Variants in EPCAM observed in about 807,000 individuals in gnomAD.
EPCAM encodes epithelial cell adhesion molecule, also known as adenocarcinoma-associated antigen.
A neutral mutation model predicts 40.0 loss-of-function variants in EPCAM; 39 were observed. The ratio of observed to expected loss-of-function variants is 0.98; its 90% confidence interval spans 0.76 to 1.27. The LOEUF is 1.27. Among genes scored for constraint, EPCAM ranks in the 50% most tolerant of loss-of-function variants. The probability of loss-of-function intolerance (pLI) is 0.00; values close to 1 mark genes in which losing one functional copy is unlikely to be tolerated. For synonymous variants in EPCAM, 168 were observed against 132.3 expected, an observed-to-expected ratio of 1.27 and a Z score of -1.85; for missense variants, 503 against 381.2, an observed-to-expected ratio of 1.32 and a Z score of -2.66.
At chr2:47,386,294 A>G (rs1368987095) in intron 8 of EPCAM, among the ~76,000 whole-genome samples, 1 of 152,216 alleles carries the variant, frequency 6.6e-6, no homozygotes, top group Non-Finnish European at 1.5e-5. Flanking sequence ...TAAAAATAGT[A>G]TGCATTTAAT....
In EPCAM at chr2:47,369,791, C is replaced by A. The variant is rs917763244; in HGVS notation, c.76+210C>A. The A allele has an allele frequency of 7.2e-6, 5 of 692,950 alleles. No individual in the cohort carries two copies. The African/African-American group carries it at 8.8e-5, about 12-fold the overall frequency. 42.9% of individuals were successfully genotyped at this position (692,950 alleles called of 1,614,324 possible). On this transcript the variant is annotated intron_variant, in intron 1 of 8. Coordinates refer to ENST00000263735, the MANE Select transcript of EPCAM (RefSeq NM_002354.3). ...GCCGTCCCGGGGAGCAGCCTCACTT[C>A]GCAGCTTTGCTCGCCTTGGTAGGGA...
intron 1 of EPCAM, among the ~76,000 whole-genome samples, chr2:47,373,164 C>T (rs1335499171): frequency 7.1e-6 from 1 of 141,564 alleles, no homozygotes; most frequent in East Asian, 2.2e-4. Flanking sequence ...AAGATTGTGC[C>T]ACTGCATTCC....
chr2:47,372,415 G>C (rs10173799), intron 1 of EPCAM, among the ~76,000 whole-genome samples: 1 of 151,350 alleles, frequency 6.6e-6, no homozygotes, highest in Admixed American at 6.6e-5. Flanking sequence ...AGGTGGGTGG[G>C]TTACCTGAGG....
At chr2:47,384,907 G>A (rs535935429) in intron 7 of EPCAM, among the ~76,000 whole-genome samples, 2 of 151,904 alleles carry the variant, frequency 1.3e-5, no homozygotes, top group African/African-American at 4.8e-5. Flanking sequence ...GGGTTTCACC[G>A]TGTTGGCTGG....
chr2:47,379,688 C>T (rs776452722), intron 6 of EPCAM, 81 bp from the exon 7 acceptor site: 56 of 1,489,402 alleles, frequency 3.8e-5, no homozygotes, highest in Non-Finnish European at 5.0e-5. Context: ...GTTCTTTTGG[C>T]ATACAATTTG....
At chr2:47,376,254 CTTTT>C (rs57201109) in intron 4 of EPCAM, among the ~76,000 whole-genome samples, 1 of 128,336 alleles carries the variant, frequency 7.8e-6, no homozygotes, top group Non-Finnish European at 1.6e-5. Flanking sequence ...ATATTTCCTC[CTTTT>C]TTTTTTTTTT....
At chr2:47,373,344 C>T (rs1289919880) in intron 1 of EPCAM, 119 bp from the exon 2 acceptor site, 2 of 714,328 alleles carry the variant, frequency 2.8e-6, no homozygotes, top group East Asian at 5.4e-5. Flanking sequence ...CATTCAGAAC[C>T]ACTTTTTAAG....
At chr2:47,379,569 C>T (rs1162413555) in intron 6 of EPCAM, among the ~76,000 whole-genome samples, 200 bp from the exon 7 acceptor site, 2 of 152,148 alleles carry the variant, frequency 1.3e-5, no homozygotes, top group East Asian at 1.9e-4. Flanking sequence ...CATCATTGCA[C>T]TACTCTTTCT....
chr2:47,372,965 G>A (rs1209969783), intron 1 of EPCAM, among the ~76,000 whole-genome samples: 1 of 151,976 alleles, frequency 6.6e-6, no homozygotes, highest in African/African-American at 2.4e-5. Flanking sequence ...CAGCACTTTG[G>A]GAGGCTGAGG....
intron 3 of EPCAM, 27 bp from the exon 4 acceptor site, chr2:47,375,207 A>G: frequency 6.6e-7 from 1 of 1,519,078 alleles, no homozygotes; most frequent in Non-Finnish European, 9.1e-7. Flanking sequence ...AGTTATAGTC[A>G]ACTGACATTG....
At chr2:47,377,164 G>A (rs1398308430) in intron 5 of EPCAM, 87 bp downstream of exon 5, 1 of 884,864 alleles carries the variant, frequency 1.1e-6, no homozygotes, top group East Asian at 2.4e-5. Flanking sequence ...TTTAAGTGGT[G>A]GTTAAATGCA....
At chr2:47,375,947 TC>T (rs1671411608) in intron 4 of EPCAM, among the ~76,000 whole-genome samples, 1 of 151,880 alleles carries the variant, frequency 6.6e-6, no homozygotes, top group Admixed American at 6.6e-5. Context: ...CTTGTGATCC[TC>T]CCGCCTCTGC....
intron 4 of EPCAM, 84 bp from the exon 5 acceptor site, chr2:47,376,930 G>T: frequency 1.1e-6 from 1 of 889,332 alleles, no homozygotes; most frequent in Admixed American, 1.8e-5. Flanking sequence ...TTTAGACCCT[G>T]AGCTGTCTGC....
intron 7 of EPCAM, among the ~76,000 whole-genome samples, chr2:47,383,796 G>C (rs776344672): frequency 6.7e-6 from 1 of 149,696 alleles, no homozygotes; most frequent in African/African-American, 2.5e-5. Context: ...CACCATACCT[G>C]GCTAATTTTT....
At chr2:47,383,627 T>C (rs1369669011) in intron 7 of EPCAM, among the ~76,000 whole-genome samples, 2 of 81,150 alleles carry the variant, frequency 2.5e-5, no homozygotes, top group East Asian at 4.1e-4. Flanking sequence ...TTTTTTTTTT[T>C]TTTTTTTTTT....
chr2:47,375,341 GC>G, intron 4 of EPCAM, 42 bp downstream of exon 4: 2 of 1,292,870 alleles, frequency 1.5e-6, no homozygotes, highest in Non-Finnish European at 2.3e-6. Context: ...ACAGTTGGTG[GC>G]TCAAATCTTC....
In EPCAM at chr2:47,374,027, G is replaced by T; in HGVS notation, c.404G>T (p.Cys135Phe). 10 of 1,614,184 alleles carry T rather than the reference G, an allele frequency of 6.2e-6. No homozygotes were observed. Among genetic ancestry groups the T allele is most frequent in the Non-Finnish European group, 7.6e-6 (9 of 1,180,028 alleles). Residue 135 changes from cysteine (C) to phenylalanine (F), a missense_variant, in exon 3 of 9, where the codon TGC becomes TTC. By Grantham distance (205) the Cys-to-Phe change is radical. Coordinates refer to ENST00000263735, the MANE Select transcript of EPCAM (RefSeq NM_002354.3). ...RRTDKDTEIT[C>F]SERVRTYWII... The stretch of plus-strand genomic sequence containing the variant: ...ACAGACAAGGACACTGAAATAACCT[G>T]CTCTGAGCGAGTGAGAACCTAGTGA...
chr2:47,385,324 T>G (rs1233313988), intron 8 of EPCAM, 114 bp downstream of exon 8: 1 of 864,074 alleles, frequency 1.2e-6, no homozygotes, highest in Non-Finnish European at 2.0e-6. Flanking sequence ...TTTATACTGT[T>G]GTCTTTAGGG....
chr2:47,386,116 G>A (rs1194285016), intron 8 of EPCAM, among the ~76,000 whole-genome samples: 2 of 152,150 alleles, frequency 1.3e-5, no homozygotes, highest in African/African-American at 4.8e-5. Context: ...TCCCATGCTT[G>A]CCACATAAGA....
Sources: gnomAD v4.1 joint callset for allele counts (sites outside exome capture counted in the v4.1 genomes callset) on GRCh38, gnomAD v4.1.1 for gene constraint, MANE v1.5 for transcripts, NCBI Gene and HGNC (gene_info 2026-07-23, HGNC 2026-07-21) for gene names.